The following MYRIP variants were observed in gnomAD, a reference collection of about 807,000 sequenced individuals.
MYRIP encodes myosin VIIA and Rab interacting protein, also known as rab effector MyRIP.
In MYRIP, 49 loss-of-function variants were observed where a neutral mutation model predicts 98.0. That is an observed-to-expected ratio of 0.50 (90% CI 0.40 to 0.63). The LOEUF (loss-of-function observed/expected upper bound fraction) is 0.63. MYRIP is among the 30% of genes least tolerant of loss of function. The pLI is 0.00. For missense variants in MYRIP, 1,004 were observed against 1,058.2 expected, an observed-to-expected ratio of 0.95 and a Z score of 0.71; for synonymous variants, 404 against 409.5, an observed-to-expected ratio of 0.99 and a Z score of 0.16.
intron 2 of MYRIP, among the ~76,000 whole-genome samples, chr3:40,027,479 G>A (rs984726626): frequency 7.2e-5 from 11 of 152,082 alleles, no homozygotes; most frequent in African/African-American, 2.7e-4. Flanking sequence ...TGTCTGGGAT[G>A]CTGTGTCTTC....
rs571657061 is a variant in MYRIP at position 39,976,468 on chromosome 3, A to G, written c.111-67582A>G. ...GGTGGGACTCTAACCTAGTTCAACC[A>G]TTGTGGAAGTCAGTGTGGCGATTCC... On this transcript the variant is annotated intron_variant, in intron 2 of 16. Coordinates refer to ENST00000302541, the MANE Select transcript of MYRIP (RefSeq NM_015460.4). Among the ~76,000 whole-genome samples the G allele has an allele frequency of 3.3e-5, 5 of 152,346 alleles. No individual in the cohort carries two copies. In the South Asian group the frequency reaches 1.0e-3, roughly 32 times the overall value.
chr3:40,203,836 T>C (rs374045362), intron 10 of MYRIP, among the ~76,000 whole-genome samples: 2 of 122 alleles, frequency 0.016, no homozygotes, highest in Non-Finnish European at 0.037. Context: ...TTTATATATA[T>C]TTATTTATTT....
rs973732040 is a variant in MYRIP, at chr3:39,997,282, C to G, written c.111-46768C>G. 4.6e-5 allele frequency among the ~76,000 whole-genome samples: 7 copies of G among 151,650 alleles called. No individual in the cohort carries two copies. In the East Asian group the frequency reaches 5.8e-4, roughly 13 times the overall value. ...AGAAGATCAACAAAATTGATAGACC[C>G]CTAGCAAGACTAATAAAGAAGAAAA... On this transcript the variant is annotated intron_variant, in intron 2 of 16. Coordinates refer to ENST00000302541, the MANE Select transcript of MYRIP (RefSeq NM_015460.4).
chr3:40,163,088 A>G (rs1010837458), intron 5 of MYRIP: 6 of 307,702 alleles, frequency 1.9e-5, no homozygotes, highest in Admixed American at 9.9e-5. Context: ...GAGTTGGAAC[A>G]TATCAATCAA....
intron 4 of MYRIP, among the ~76,000 whole-genome samples, chr3:40,161,596 G>C (rs1241942722): frequency 1.3e-5 from 2 of 152,116 alleles, no homozygotes; most frequent in Non-Finnish European, 2.9e-5. Flanking sequence ...GTCACTTCTT[G>C]CTTATTCAAT....
At chr3:39,886,212 C>T (rs1339612003) in intron 1 of MYRIP, among the ~76,000 whole-genome samples, 25 of 151,806 alleles carry the variant, frequency 1.6e-4, no homozygotes, top group South Asian at 1.0e-3. Flanking sequence ...AAGGAACAAC[C>T]GGTACCAGCC....
At chr3:39,983,046 A>G (rs1945933580) in intron 2 of MYRIP, among the ~76,000 whole-genome samples, 1 of 152,242 alleles carries the variant, frequency 6.6e-6, no homozygotes, top group Non-Finnish European at 1.5e-5. Flanking sequence ...ACAATCATAG[A>G]AACTTCTTCG....
chr3:40,141,436 C>A (rs1375013344), intron 3 of MYRIP, among the ~76,000 whole-genome samples: 2 of 152,210 alleles, frequency 1.3e-5, no homozygotes, highest in Non-Finnish European at 2.9e-5. Flanking sequence ...CTTTGTTGTG[C>A]AGAAGCTGTT....
At chr3:40,062,743 G>A (rs1948045184) in intron 3 of MYRIP, among the ~76,000 whole-genome samples, 1 of 152,182 alleles carries the variant, frequency 6.6e-6, no homozygotes, top group South Asian at 2.1e-4. Context: ...ATAATTGCCT[G>A]TTCATTTGTT....
intron 2 of MYRIP, among the ~76,000 whole-genome samples, chr3:39,978,522 A>C (rs575056830): frequency 6.6e-6 from 1 of 152,316 alleles, no homozygotes; most frequent in South Asian, 2.1e-4. Flanking sequence ...TGTCTCTCTC[A>C]CATTGTAAAA....
chr3:40,005,046 CCTTAATTTG>C (rs1315697873), intron 2 of MYRIP, among the ~76,000 whole-genome samples: 1 of 151,998 alleles, frequency 6.6e-6, no homozygotes, highest in East Asian at 1.9e-4. Flanking sequence ...TCTGATTCTG[CCTTAATTTG>C]CTTAGAATAA....
At chr3:39,842,047 C>G (rs368519770) in intron 1 of MYRIP, among the ~76,000 whole-genome samples, 4 of 152,162 alleles carry the variant, frequency 2.6e-5, no homozygotes, top group Non-Finnish European at 5.9e-5. Context: ...TCTGCTGAAG[C>G]TGTGCCCACA....
intron 1 of MYRIP, among the ~76,000 whole-genome samples, chr3:39,822,366 C>T (rs1367587842): frequency 6.6e-6 from 1 of 152,178 alleles, no homozygotes; most frequent in African/African-American, 2.4e-5. Context: ...CTTGTCTGTG[C>T]CCCATGGGCT....
intron 12 of MYRIP, among the ~76,000 whole-genome samples, chr3:40,240,369 C>T (rs1303079680): frequency 1.3e-5 from 2 of 152,122 alleles, no homozygotes; most frequent in Admixed American, 6.5e-5. Flanking sequence ...TCTGCATTTC[C>T]GTCTGAGGTA....
chr3:40,016,267 T>C (rs1946859073), intron 2 of MYRIP, among the ~76,000 whole-genome samples: 1 of 152,140 alleles, frequency 6.6e-6, no homozygotes, highest in South Asian at 2.1e-4. Flanking sequence ...TCTGCTTTGA[T>C]ATTTTAGTAA....
chr3:40,142,047 ATTTTTTTT>A (rs768094065), intron 3 of MYRIP, among the ~76,000 whole-genome samples: 2 of 95,950 alleles, frequency 2.1e-5, no homozygotes, highest in African/African-American at 4.2e-5. Flanking sequence ...TATGCTGTTG[ATTTTTTTT>A]TTTTTTTTTT....
At chr3:40,029,767 A>T (rs1947216589) in intron 2 of MYRIP, among the ~76,000 whole-genome samples, 1 of 152,120 alleles carries the variant, frequency 6.6e-6, no homozygotes, top group Non-Finnish European at 1.5e-5. Flanking sequence ...AATCTAATAT[A>T]GAAATGGGCC....
intron 3 of MYRIP, among the ~76,000 whole-genome samples, chr3:40,117,203 T>G (rs1305310180): frequency 1.3e-5 from 2 of 152,204 alleles, no homozygotes; most frequent in Non-Finnish European, 2.9e-5. Flanking sequence ...TTAGAAAAAT[T>G]TGATAATTAA....
In MYRIP at chr3:40,231,690, C is replaced by T. The variant is rs906875168; in HGVS notation, c.1906-2169C>T. Among the ~76,000 whole-genome samples, 8 of 152,276 alleles carry T rather than the reference C, an allele frequency of 5.3e-5. No individual in the cohort carries two copies. The East Asian group carries it at 5.8e-4, about 11-fold the overall frequency. On this transcript the variant is annotated intron_variant, in intron 11 of 16. Coordinates refer to ENST00000302541, the MANE Select transcript of MYRIP (RefSeq NM_015460.4). Reference sequence around the variant, plus strand: ...ATCTCTTAAGTCCTTTCCATTAATACCTTGGACCTTTAATGCACTGTGCTG... The same window carrying T: ...ATCTCTTAAGTCCTTTCCATTAATATCTTGGACCTTTAATGCACTGTGCTG...
Sources: gnomAD v4.1 joint callset for allele counts (sites outside exome capture counted in the v4.1 genomes callset) on GRCh38, gnomAD v4.1.1 for gene constraint, MANE v1.5 for transcripts, NCBI Gene and HGNC (gene_info 2026-07-23, HGNC 2026-07-21) for gene names.